CTNNBL1: variants seen among roughly 807,000 people sequenced by gnomAD.
CTNNBL1 encodes the protein beta-catenin-like protein 1.
Under a neutral mutation model 72.7 loss-of-function variants are expected in CTNNBL1, and 31 were observed. That is an observed-to-expected ratio of 0.43 (90% CI 0.32 to 0.58). CTNNBL1 has a LOEUF of 0.58. Among genes scored for constraint, CTNNBL1 ranks in the 20% least tolerant of loss-of-function variants. The probability of loss-of-function intolerance (pLI) is 0.08; values close to 1 mark genes in which losing one functional copy is unlikely to be tolerated. For missense variants in CTNNBL1, 534 were observed against 725.1 expected, an observed-to-expected ratio of 0.74 and a Z score of 3.03; for synonymous variants, 240 against 267.3, an observed-to-expected ratio of 0.90 and a Z score of 1.00.
At position 37,713,654 on chromosome 20, in the gene CTNNBL1, G is replaced by A. The variant is rs142779472; in HGVS notation, c.31-19225G>A. On this transcript the variant is annotated intron_variant, in intron 1 of 15. Transcript: ENST00000361383. ...TTGCCTCTGCACTAATGGCAGATTT[G>A]CTCTTCATTTGACAGATTGACTTTG... Among the ~76,000 whole-genome samples, 28 of 152,294 alleles carry A rather than the reference G, an allele frequency of 1.8e-4. No homozygotes were observed. The East Asian group carries it at 5.4e-3, about 29-fold the overall frequency.
chr20:37,847,981 G>C (rs964735560), intron 13 of CTNNBL1: 4 of 152,544 alleles, frequency 2.6e-5, no homozygotes, highest in African/African-American at 9.7e-5. Context: ...TGAAGTGCAG[G>C]AGTGAATGTG....
intron 11 of CTNNBL1, among the ~76,000 whole-genome samples, chr20:37,834,062 G>A (rs1029183844): frequency 6.6e-6 from 1 of 152,160 alleles, no homozygotes; most frequent in Non-Finnish European, 1.5e-5. Context: ...TTTATTCTTA[G>A]TATACCATTG....
chr20:37,754,545 A>T (rs1247059531), intron 4 of CTNNBL1, among the ~76,000 whole-genome samples: 2 of 152,160 alleles, frequency 1.3e-5, no homozygotes, highest in Non-Finnish European at 2.9e-5. Flanking sequence ...GAGAATAAAT[A>T]TGGGAGTTTC....
chr20:37,736,981 T>G (rs945979463), intron 2 of CTNNBL1, among the ~76,000 whole-genome samples: 2 of 151,786 alleles, frequency 1.3e-5, no homozygotes, highest in African/African-American at 4.8e-5. Flanking sequence ...CCCAGCACTT[T>G]GGGAGGCCAA....
chr20:37,787,720 T>TA (rs1391945284), intron 10 of CTNNBL1, among the ~76,000 whole-genome samples: 1 of 152,234 alleles, frequency 6.6e-6, no homozygotes, highest in Non-Finnish European at 1.5e-5. Context: ...TTATAGTAAT[T>TA]ACGTTTAGCC....
At chr20:37,731,606 A>C (rs2073129514) in intron 1 of CTNNBL1, among the ~76,000 whole-genome samples, 1 of 152,188 alleles carries the variant, frequency 6.6e-6, no homozygotes, top group African/African-American at 2.4e-5. Context: ...GGTGACGATC[A>C]TTCTACTCTC....
intron 2 of CTNNBL1, 111 bp from the exon 3 acceptor site, chr20:37,737,267 C>T: frequency 1.3e-6 from 1 of 749,098 alleles, no homozygotes; most frequent in Non-Finnish European, 2.3e-6. Context: ...ACATTGAACC[C>T]AGAAAGGTCA....
chr20:37,718,482 C>T lies in CTNNBL1; in HGVS notation c.31-14397C>T, dbSNP rs555551600. 5.0e-4 allele frequency among the ~76,000 whole-genome samples: 70 copies of T among 139,688 alleles called. 1 individual carries two copies. Among genetic ancestry groups the T allele is most frequent in the African/African-American group, 1.9e-3 (69 of 36,464 alleles). The allele number at this position is 139,688 out of a possible 152,430, so 91.6% of individuals were successfully genotyped here. A position where few individuals can be genotyped will look rare whatever the true frequency, so the allele number is the denominator to read the frequency against. On this transcript the variant is annotated intron_variant, in intron 1 of 15. Transcript: ENST00000361383. Reference sequence around the variant, plus strand: ...GGGGGCTGACCCCCCCACCTCCCTCCCAGACGGGGCGGCTGGCCGGGCAGA... The same window carrying T: ...GGGGGCTGACCCCCCCACCTCCCTCTCAGACGGGGCGGCTGGCCGGGCAGA...
At chr20:37,794,532 ACT>A (rs1373985515) in intron 10 of CTNNBL1, among the ~76,000 whole-genome samples, 1 of 151,952 alleles carries the variant, frequency 6.6e-6, no homozygotes, top group Non-Finnish European at 1.5e-5. Flanking sequence ...TCGCTCTGTC[ACT>A]CAAGCTGGAG....
chr20:37,731,067 G>A (rs1458185185), intron 1 of CTNNBL1, among the ~76,000 whole-genome samples: 1 of 152,028 alleles, frequency 6.6e-6, no homozygotes, highest in African/African-American at 2.4e-5. Flanking sequence ...TTTACAGTCT[G>A]GAATGATTAC....
chr20:37,709,750 C>T (rs1322127457), intron 1 of CTNNBL1, among the ~76,000 whole-genome samples: 1 of 152,110 alleles, frequency 6.6e-6, no homozygotes, highest in African/African-American at 2.4e-5. Context: ...AAAGACATTG[C>T]GATTGATTGA....
intron 11 of CTNNBL1, among the ~76,000 whole-genome samples, chr20:37,815,705 G>A (rs1184602626): frequency 1.3e-5 from 2 of 152,120 alleles, no homozygotes; most frequent in African/African-American, 4.8e-5. Context: ...ATGCATCTAG[G>A]TTCATTTGGG....
At chr20:37,800,642 C>G (rs2122731965) in intron 10 of CTNNBL1, among the ~76,000 whole-genome samples, 1 of 152,330 alleles carries the variant, frequency 6.6e-6, no homozygotes, top group African/African-American at 2.4e-5. Context: ...CCCACACTCT[C>G]CCAAATACAT....
intron 2 of CTNNBL1, among the ~76,000 whole-genome samples, chr20:37,734,648 C>G (rs1303320563): frequency 6.6e-6 from 1 of 152,218 alleles, no homozygotes; most frequent in Non-Finnish European, 1.5e-5. Context: ...TATTTTCTCA[C>G]TGCCACTGAA....
At chr20:37,797,156 G>T (rs1280004769) in intron 10 of CTNNBL1, among the ~76,000 whole-genome samples, 3 of 152,146 alleles carry the variant, frequency 2.0e-5, no homozygotes, top group African/African-American at 7.2e-5. Context: ...CCCTCTGGCT[G>T]TGGTCCTATT....
chr20:37,829,681 T>C (rs1358471629), intron 11 of CTNNBL1, among the ~76,000 whole-genome samples: 3 of 152,180 alleles, frequency 2.0e-5, no homozygotes, highest in Non-Finnish European at 4.4e-5. Context: ...ATATTCTTGC[T>C]GTCATTCCCC....
intron 7 of CTNNBL1, among the ~76,000 whole-genome samples, chr20:37,776,777 T>C (rs555995182): frequency 1.3e-5 from 2 of 152,298 alleles, no homozygotes; most frequent in South Asian, 2.1e-4. Flanking sequence ...TTTTTGCATA[T>C]TTAATGTGGT....
chr20:37,792,401 C>T (rs555956581), intron 10 of CTNNBL1, among the ~76,000 whole-genome samples: 10 of 152,170 alleles, frequency 6.6e-5, no homozygotes, highest in East Asian at 3.9e-4. Context: ...CTCTAACTCC[C>T]GGACTCAAAA....
chr20:37,771,453 G>A (rs1247013759), intron 7 of CTNNBL1, among the ~76,000 whole-genome samples: 1 of 152,126 alleles, frequency 6.6e-6, no homozygotes, highest in Admixed American at 6.5e-5. Flanking sequence ...AACTTACCTG[G>A]AGTGATGCTG....
Sources: gnomAD v4.1 joint callset for allele counts (sites outside exome capture counted in the v4.1 genomes callset) on GRCh38, gnomAD v4.1.1 for gene constraint, MANE v1.5 for transcripts, NCBI Gene and HGNC (gene_info 2026-07-23, HGNC 2026-07-21) for gene names.